Variants in HDAC9 observed in about 807,000 individuals in gnomAD.
HDAC9 encodes the protein MEF-2 interacting transcription repressor (MITR) protein.
A neutral mutation model predicts 139.4 loss-of-function variants in HDAC9; 41 were observed. The ratio of observed to expected loss-of-function variants is 0.29; its 90% confidence interval spans 0.23 to 0.38. The LOEUF is 0.38. Ranked by LOEUF, HDAC9 falls within the 10% of genes least tolerant of loss-of-function variation. HDAC9 has a pLI of 1.00. For synonymous variants in HDAC9, 517 were observed against 476.2 expected, an observed-to-expected ratio of 1.09 and a Z score of -1.12; for missense variants, 1,147 against 1,297.0, an observed-to-expected ratio of 0.88 and a Z score of 1.78.
intron 2 of HDAC9, among the ~76,000 whole-genome samples, chr7:18,204,844 T>C (rs1379093559): frequency 2.0e-5 from 3 of 152,076 alleles, no homozygotes; most frequent in African/African-American, 7.2e-5. Flanking sequence ...TGTTTTTTTA[T>C]TTTACCATGA....
At chr7:18,104,269 C>A (rs1370727161) in intron 1 of HDAC9, among the ~76,000 whole-genome samples, 2 of 151,384 alleles carry the variant, frequency 1.3e-5, no homozygotes, top group Non-Finnish European at 2.9e-5. Flanking sequence ...TTATAAGACA[C>A]ATTAAGGGTT....
chr7:18,772,672 T>C (rs530807217), intron 16 of HDAC9, among the ~76,000 whole-genome samples: 1 of 152,202 alleles, frequency 6.6e-6, no homozygotes, highest in South Asian at 2.1e-4. Flanking sequence ...CTCTCTTTTT[T>C]ATATCTCCTC....
intron 24 of HDAC9, among the ~76,000 whole-genome samples, chr7:18,957,864 C>T (rs1783265560): frequency 6.6e-6 from 1 of 152,108 alleles, no homozygotes; most frequent in Admixed American, 6.6e-5. Context: ...TTCTTTTGTG[C>T]TGCAGTTTGC....
At chr7:18,233,128 A>G (rs1188246315) in intron 2 of HDAC9, among the ~76,000 whole-genome samples, 1 of 152,150 alleles carries the variant, frequency 6.6e-6, no homozygotes, top group African/African-American at 2.4e-5. Context: ...ATCCTTCTGA[A>G]CATTTTTAAT....
At chr7:18,911,889 C>T (rs1802773121) in intron 22 of HDAC9, among the ~76,000 whole-genome samples, 1 of 151,880 alleles carries the variant, frequency 6.6e-6, no homozygotes, top group Admixed American at 6.6e-5. Context: ...TTTTAAAAAT[C>T]TTTTGAGGCT....
At chr7:18,257,919 G>A (rs1243887383) in intron 2 of HDAC9, among the ~76,000 whole-genome samples, 1 of 152,210 alleles carries the variant, frequency 6.6e-6, no homozygotes, top group African/African-American at 2.4e-5. Context: ...AGCCGGGCCA[G>A]TCAGTGTCAG....
At chr7:18,593,537 C>T (rs550410789) in intron 5 of HDAC9, among the ~76,000 whole-genome samples, 1 of 152,034 alleles carries the variant, frequency 6.6e-6, no homozygotes, top group Admixed American at 6.6e-5. Flanking sequence ...TTACTATTAC[C>T]TTGATTGTTT....
rs564529072 is a variant in HDAC9, at chr7:18,837,884, C to T, written c.2684+1887C>T. 1.8e-4 allele frequency among the ~76,000 whole-genome samples: 28 copies of T among 152,000 alleles called. 1 individual carries two copies. The highest frequency in any genetic ancestry group is 2.2e-4 in the Non-Finnish European group (15 of 67,966). ...ATGGGGTTGACGATTCTCAGAATGG[C>T]GCCTTCTCTTTGCCTGGAAGGTGGA... On this transcript the variant is annotated intron_variant, in intron 21 of 25. Coordinates refer to ENST00000686413, the MANE Select transcript of HDAC9 (RefSeq NM_178425.4).
intron 23 of HDAC9, among the ~76,000 whole-genome samples, chr7:18,951,730 C>T (rs1782809376): frequency 6.6e-6 from 1 of 151,290 alleles, no homozygotes; most frequent in South Asian, 2.1e-4. Flanking sequence ...TTTTCTGCTC[C>T]AAATTTATAA....
intron 12 of HDAC9, among the ~76,000 whole-genome samples, chr7:18,686,861 C>G (rs1260815917): frequency 6.6e-6 from 1 of 151,780 alleles, no homozygotes; most frequent in Non-Finnish European, 1.5e-5. Context: ...TAACATAAAC[C>G]TTCATTTCTT....
intron 1 of HDAC9, among the ~76,000 whole-genome samples, chr7:18,488,359 A>G (rs1177411931): frequency 6.6e-6 from 1 of 152,040 alleles, no homozygotes; most frequent in Non-Finnish European, 1.5e-5. Context: ...ATATGTACTG[A>G]TACATTCAGG....
At chr7:18,464,476 G>C (rs1794102351) in intron 1 of HDAC9, among the ~76,000 whole-genome samples, 1 of 151,828 alleles carries the variant, frequency 6.6e-6, no homozygotes, top group Non-Finnish European at 1.5e-5. Context: ...ATTACCTGTA[G>C]GTTCATCTGT....
intron 2 of HDAC9, among the ~76,000 whole-genome samples, chr7:18,564,108 T>TA (rs1403891372): frequency 6.6e-6 from 1 of 152,160 alleles, no homozygotes; most frequent in African/African-American, 2.4e-5. Context: ...GTGCTGGGAT[T>TA]ACAGGTGTGA....
chr7:18,601,544 T>C (rs1833950714), intron 6 of HDAC9, among the ~76,000 whole-genome samples: 1 of 152,094 alleles, frequency 6.6e-6, no homozygotes, highest in Non-Finnish European at 1.5e-5. Context: ...AAAGGGGACA[T>C]CCTCACCTTG....
intron 13 of HDAC9, among the ~76,000 whole-genome samples, chr7:18,734,550 T>C (rs1786707281): frequency 6.6e-6 from 1 of 152,192 alleles, no homozygotes; most frequent in African/African-American, 2.4e-5. Flanking sequence ...TCCGTGTCCC[T>C]GCAAAGGACA....
intron 2 of HDAC9, among the ~76,000 whole-genome samples, chr7:18,506,716 A>G (rs986647692): frequency 6.6e-6 from 1 of 152,200 alleles, no homozygotes; most frequent in Admixed American, 6.6e-5. Context: ...ATAATAAATA[A>G]CACCAATGCT....
chr7:18,220,322 T>C (rs193020095), intron 2 of HDAC9, among the ~76,000 whole-genome samples: 4 of 152,220 alleles, frequency 2.6e-5, no homozygotes, highest in Non-Finnish European at 5.9e-5. Context: ...AAAAATAGAA[T>C]AATATTAGCC....
At chr7:18,494,970 A>G (rs534710157), upstream of HDAC9, among the ~76,000 whole-genome samples, 23 of 152,200 alleles carry the variant, frequency 1.5e-4, no homozygotes, top group Non-Finnish European at 2.8e-4. Flanking sequence ...TTGTTTATAG[A>G]TATAGTACTA....
rs1563125092 is a variant in HDAC9 at position 19,001,176 on chromosome 7, A to T, written c.*5114A>T. The T allele has an allele frequency of 6.6e-6, 1 of 152,202 alleles. No homozygotes were observed. The highest frequency in any genetic ancestry group is 1.5e-5 in the Non-Finnish European group (1 of 68,014). The allele number at this position is 152,202 out of a possible 1,614,324, so 9.4% of individuals were successfully genotyped here. On this transcript the variant is annotated 3_prime_UTR_variant, in exon 26 of 26. Transcript: ENST00000686413. Reference sequence around the variant, plus strand: ...AGTTATTGTGGAAAGAAAATTGTACATACATTTCCTTGTCCTTTGGGAGAT... The same window carrying T: ...AGTTATTGTGGAAAGAAAATTGTACTTACATTTCCTTGTCCTTTGGGAGAT...
Sources: allele counts gnomAD v4.1 joint callset (sites outside exome capture counted in the v4.1 genomes callset), GRCh38; gene constraint gnomAD v4.1.1; transcripts MANE v1.5; gene names NCBI Gene and HGNC (gene_info 2026-07-23, HGNC 2026-07-21).